JADE2: variants seen among roughly 807,000 people sequenced by gnomAD.
JADE2 encodes the protein E3 ubiquitin-protein ligase Jade-2.
In JADE2, 13 loss-of-function variants were observed where a neutral mutation model predicts 85.7. The ratio of observed to expected loss-of-function variants is 0.15; its 90% confidence interval spans 0.10 to 0.24. JADE2 has a LOEUF of 0.24. Ranked by LOEUF, JADE2 falls within the 10% of genes least tolerant of loss-of-function variation. The pLI is 1.00. For missense variants in JADE2, 846 were observed against 1,115.9 expected, an observed-to-expected ratio of 0.76 and a Z score of 3.45; for synonymous variants, 440 against 456.1, an observed-to-expected ratio of 0.96 and a Z score of 0.45.
At chr5:134,564,455 G>T in intron 7 of JADE2, 39 bp from the exon 8 acceptor site, 1 of 1,389,946 alleles carries the variant, frequency 7.2e-7, no homozygotes, top group Non-Finnish European at 9.8e-7. Context: ...GGCAGGCTGG[G>T]GATGAGAGGA....
intron 7 of JADE2, among the ~76,000 whole-genome samples, chr5:134,563,328 A>G (rs568554099): frequency 4.0e-4 from 60 of 151,560 alleles, no homozygotes; most frequent in South Asian, 1.7e-3. Context: ...AAAAAAAAAA[A>G]AGAGAATCAG....
chr5:134,552,845 A>G (rs573087806), intron 4 of JADE2, among the ~76,000 whole-genome samples: 7 of 151,338 alleles, frequency 4.6e-5, no homozygotes, highest in South Asian at 4.2e-4. Context: ...GCTAATCTTC[A>G]TGTTTTGTGT....
rs1272429711 is a variant in JADE2, at chr5:134,576,893, C to T, written c.1678C>T (p.Leu560=). ...GGGGCCTGACTCAGTCCTGGGGCAG[C>T]TGGGTGAGTGAGGGCCATGCTGGCC... ...KAGPDSVLGQ[L]AGLSTSFPID... is the part of the protein sequence containing the mutation. Residue 560 remains leucine, a synonymous_variant, in exon 11 of 12, where the codon CTG becomes TTG. Coordinates refer to ENST00000681547, the MANE Select transcript of JADE2 (RefSeq NM_001388185.1). 6.5e-7 allele frequency: 1 copy of T among 1,538,558 alleles called. No homozygotes were observed. Among genetic ancestry groups the T allele is most frequent in the South Asian group, 1.2e-5 (1 of 81,334 alleles).
rs1763217275 is a variant in JADE2 at position 134,559,849 on chromosome 5, G to T, written c.331G>T (p.Gly111Cys). 2 of 1,610,510 alleles carry T rather than the reference G, an allele frequency of 1.2e-6. No individual in the cohort carries two copies. The highest frequency in any genetic ancestry group is 3.4e-5 in the Admixed American group (2 of 59,040). Residue 111 changes from glycine (G) to cysteine (C), a missense_variant, in exon 5 of 12, where the codon GGC (glycine) becomes TGC (cysteine). Physicochemically the swap from Gly to Cys is radical, Grantham distance 159. Transcript: ENST00000681547. ...TTCTAGGATCCTCCCACCACTGGAA[G>T]GCCCCCCTGCCCAGGCATCCCCGAG... ...PVVRILPPLE[G>C]PPAQASPSST...
rs968792923 is a variant in JADE2, at chr5:134,566,047, A to T, written c.970-69A>T. On this transcript the variant is annotated intron_variant, in intron 8 of 11. Transcript: ENST00000681547. This position sits in a 1 kb window ranked among gnomAD's most constrained non-coding sequence, Gnocchi z 6.7. Reference sequence around the variant, plus strand: ...GCATTCTCAGTAGAGCCCTGGGGGAAGCCCCTCTGTCTTCTCCCCTCCCAC... The same window carrying T: ...GCATTCTCAGTAGAGCCCTGGGGGATGCCCCTCTGTCTTCTCCCCTCCCAC... 6.7e-5 allele frequency: 89 copies of T among 1,336,856 alleles called. No homozygotes were observed. The Admixed American group carries it at 1.7e-3, about 25-fold the overall frequency. The allele number at this position is 1,336,856 out of a possible 1,614,324, so 82.8% of individuals were successfully genotyped here.
intron 4 of JADE2, among the ~76,000 whole-genome samples, chr5:134,553,853 C>T (rs989984850): frequency 6.6e-6 from 1 of 152,230 alleles, no homozygotes; most frequent in Non-Finnish European, 1.5e-5. Flanking sequence ...CCTGGCCGCT[C>T]TTGTCAGGAG....
At chr5:134,526,585 A>T (rs1217059013) in intron 1 of JADE2, 1 of 985,254 alleles carries the variant, frequency 1.0e-6, no homozygotes, top group Non-Finnish European at 1.2e-6. Context: ...GCTCACGTGC[A>T]GCCGGTCCGG....
At chr5:134,543,686 A>G (rs1226430403) in intron 3 of JADE2, among the ~76,000 whole-genome samples, 1 of 152,120 alleles carries the variant, frequency 6.6e-6, no homozygotes, top group Non-Finnish European at 1.5e-5. Context: ...CAAAAACAAA[A>G]AAAAGCAAAA....
At chr5:134,567,611 G>T (rs565732566) in intron 9 of JADE2, among the ~76,000 whole-genome samples, 2 of 152,284 alleles carry the variant, frequency 1.3e-5, no homozygotes, top group African/African-American at 4.8e-5. Flanking sequence ...TGCAGGGAAC[G>T]TTGTGTGACC....
At chr5:134,534,489 G>C (rs1386499397) in intron 1 of JADE2, among the ~76,000 whole-genome samples, 1 of 152,068 alleles carries the variant, frequency 6.6e-6, no homozygotes, top group Non-Finnish European at 1.5e-5. Flanking sequence ...CACTGGGGTA[G>C]AGAGAAGCTC....
chr5:134,560,138 A>G, intron 5 of JADE2, 148 bp downstream of exon 5: 1 of 892,116 alleles, frequency 1.1e-6, no homozygotes, highest in Non-Finnish European at 1.7e-6. Flanking sequence ...TGGGGACCTC[A>G]CTGGTTAGTG....
chr5:134,559,756 G>C, intron 4 of JADE2, 74 bp from the exon 5 acceptor site: 6 of 1,491,162 alleles, frequency 4.0e-6, no homozygotes, highest in South Asian at 1.3e-5. Flanking sequence ...AGCTGGACTG[G>C]TCAGCTCCCT....
intron 1 of JADE2, chr5:134,526,651 C>A (rs903299802): frequency 2.0e-6 from 2 of 985,324 alleles, no homozygotes; most frequent in Non-Finnish European, 1.2e-6. Flanking sequence ...TCTCCCGGCC[C>A]GGTGCACGCG....
chr5:134,538,993 A>G (rs1761779234), intron 3 of JADE2, among the ~76,000 whole-genome samples: 1 of 151,202 alleles, frequency 6.6e-6, no homozygotes, highest in Non-Finnish European at 1.5e-5. Context: ...AGTAGCTGGG[A>G]TTACAGGTGC....
intron 4 of JADE2, among the ~76,000 whole-genome samples, chr5:134,557,078 C>G (rs1034869344): frequency 2.3e-5 from 3 of 131,012 alleles, no homozygotes; most frequent in Admixed American, 2.2e-4. Context: ...CACACACACA[C>G]CACACAAACA....
intron 9 of JADE2, among the ~76,000 whole-genome samples, chr5:134,570,611 T>C (rs1408086317): frequency 9.2e-5 from 14 of 152,156 alleles, no homozygotes; most frequent in Non-Finnish European, 1.9e-4. Flanking sequence ...GCCTGCAGCC[T>C]CCCTGCCCAC....
At chr5:134,537,470 A>G (rs1430112813) in intron 2 of JADE2, among the ~76,000 whole-genome samples, 2 of 138,208 alleles carry the variant, frequency 1.4e-5, no homozygotes, top group Non-Finnish European at 3.2e-5. Flanking sequence ...CAGAAGAACA[A>G]ACTAAGGCTC....
chr5:134,571,115 T>C (rs992067590), intron 9 of JADE2, among the ~76,000 whole-genome samples: 4 of 152,220 alleles, frequency 2.6e-5, no homozygotes, highest in Admixed American at 2.6e-4. Context: ...CCAGGAATCT[T>C]TGCTGTTCCT....
At chr5:134,535,080 A>G (rs1442665178) in intron 1 of JADE2, among the ~76,000 whole-genome samples, 1 of 152,226 alleles carries the variant, frequency 6.6e-6, no homozygotes, top group Non-Finnish European at 1.5e-5. Flanking sequence ...TGGAGCTCAC[A>G]GCTCACCTGG....
Sources: allele counts gnomAD v4.1 joint callset (sites outside exome capture counted in the v4.1 genomes callset), GRCh38; gene constraint gnomAD v4.1.1; non-coding constraint Gnocchi (gnomAD v3.1); transcripts MANE v1.5; gene names NCBI Gene and HGNC (gene_info 2026-07-23, HGNC 2026-07-21).